Variants in WWOX observed in about 807,000 individuals in gnomAD.
WWOX encodes WW domain-containing oxidoreductase.
WWOX carries 69 observed loss-of-function variants against 46.2 expected under a neutral mutation model. That is an observed-to-expected ratio of 1.49 (90% confidence interval 1.23 to 1.82). WWOX has a LOEUF of 1.82. WWOX is among the 40% of genes most tolerant of loss of function. WWOX has a pLI of 0.00. For synonymous variants in WWOX, 359 were observed against 202.6 expected (o/e 1.77, Z -6.56); for missense variants, 919 against 542.6 (o/e 1.69, Z -6.89).
At chr16:78,149,267 A>T (rs1184405305) in intron 4 of WWOX, among the ~76,000 whole-genome samples, 1 of 152,206 alleles carries the variant, frequency 6.6e-6, no homozygotes, top group Non-Finnish European at 1.5e-5. Context: ...TGGTGTAAAG[A>T]TCATTTTTTA....
chr16:78,477,586 C>T (rs2084381658), intron 8 of WWOX, among the ~76,000 whole-genome samples: 1 of 151,712 alleles, frequency 6.6e-6, no homozygotes, highest in Non-Finnish European at 1.5e-5. Context: ...AACTAATTTC[C>T]AGGGGAGAAT....
intron 5 of WWOX, among the ~76,000 whole-genome samples, chr16:78,338,501 T>G (rs1451436891): frequency 1.6e-5 from 2 of 121,762 alleles, no homozygotes; most frequent in Non-Finnish European, 3.9e-5. Flanking sequence ...TAAGGGCACA[T>G]AAAATATTCT....
intron 5 of WWOX, among the ~76,000 whole-genome samples, chr16:78,373,917 A>G (rs575292245): frequency 2.0e-5 from 3 of 151,330 alleles, no homozygotes; most frequent in African/African-American, 4.8e-5. Flanking sequence ...CCTCCCAAGT[A>G]GCTGCATTAA....
chr16:78,907,227 C>T (rs1435856731), intron 8 of WWOX, among the ~76,000 whole-genome samples: 1 of 152,052 alleles, frequency 6.6e-6, no homozygotes, highest in Admixed American at 6.5e-5. Flanking sequence ...GAATCCGCTT[C>T]TGGGTGGGGG....
At chr16:78,360,956 G>A (rs2081397664) in intron 5 of WWOX, among the ~76,000 whole-genome samples, 1 of 151,984 alleles carries the variant, frequency 6.6e-6, no homozygotes, top group African/African-American at 2.4e-5. Flanking sequence ...GAGTATCTGG[G>A]ACTATACGCA....
intron 8 of WWOX, among the ~76,000 whole-genome samples, chr16:78,495,015 C>T (rs906500982): frequency 3.3e-5 from 5 of 152,134 alleles, no homozygotes; most frequent in Admixed American, 6.5e-5. Context: ...TCAAGCCCCT[C>T]GGACATGACG....
At chr16:78,178,575 T>C (rs2035425161) in intron 5 of WWOX, among the ~76,000 whole-genome samples, 1 of 152,084 alleles carries the variant, frequency 6.6e-6, no homozygotes, top group African/African-American at 2.4e-5. Flanking sequence ...CATTTAAAAA[T>C]AGATAGCAGG....
At chr16:78,385,137 A>ACG (rs1555530201) in intron 5 of WWOX, among the ~76,000 whole-genome samples, 1 of 150,610 alleles carries the variant, frequency 6.6e-6, no homozygotes, top group African/African-American at 2.5e-5. Flanking sequence ...CCATCTAAAC[A>ACG]CACACACACA....
chr16:78,546,450 C>G (rs951524044), intron 8 of WWOX, among the ~76,000 whole-genome samples: 10 of 152,304 alleles, frequency 6.6e-5, no homozygotes, highest in Non-Finnish European at 1.3e-4. Context: ...CAAAAGAATA[C>G]TGGACCCAGA....
intron 8 of WWOX, among the ~76,000 whole-genome samples, chr16:78,900,295 T>G (rs1391728704): frequency 2.0e-5 from 3 of 152,150 alleles, no homozygotes; most frequent in African/African-American, 7.2e-5. Context: ...GCCTGGTTTC[T>G]CCATACACTG....
intron 8 of WWOX, among the ~76,000 whole-genome samples, chr16:78,435,495 C>G (rs115506681): frequency 6.6e-6 from 1 of 152,130 alleles, no homozygotes; most frequent in African/African-American, 2.4e-5. Context: ...AGCTTTAGAT[C>G]CCTGAGTGAG....
chr16:79,103,075 C>T (rs563777612), intron 8 of WWOX, among the ~76,000 whole-genome samples: 34 of 151,846 alleles, frequency 2.2e-4, no homozygotes, highest in Non-Finnish European at 3.8e-4. Context: ...TCACCATAAC[C>T]CTCTGGCAAA....
intron 5 of WWOX, among the ~76,000 whole-genome samples, chr16:78,377,341 G>A (rs1422289677): frequency 6.6e-6 from 1 of 152,152 alleles, no homozygotes; most frequent in Non-Finnish European, 1.5e-5. Flanking sequence ...TTTATCATAT[G>A]AATTTACCTT....
chr16:78,183,434 G>T (rs1354977927), intron 5 of WWOX, among the ~76,000 whole-genome samples: 2 of 152,206 alleles, frequency 1.3e-5, no homozygotes, highest in Non-Finnish European at 2.9e-5. Context: ...CTAGTTAGTG[G>T]TTGAGAACAT....
At chr16:78,398,681 G>C (rs1211902674) in intron 6 of WWOX, among the ~76,000 whole-genome samples, 3 of 152,172 alleles carry the variant, frequency 2.0e-5, no homozygotes, top group Admixed American at 1.3e-4. Context: ...CTTGGTCTTA[G>C]CTTGTAATAT....
chr16:78,609,428 C>T (rs905343667), intron 8 of WWOX, among the ~76,000 whole-genome samples: 97 of 150,178 alleles, frequency 6.5e-4, no homozygotes, highest in African/African-American at 2.3e-3. Flanking sequence ...GCTTTTAAAG[C>T]GATAGTCCTA....
chr16:79,028,375 CCAGA>C (rs1188932960), intron 8 of WWOX, among the ~76,000 whole-genome samples: 2 of 151,842 alleles, frequency 1.3e-5, no homozygotes, highest in African/African-American at 4.9e-5. Flanking sequence ...TAAATTCAGT[CCAGA>C]CATTCTACCT....
At chr16:79,049,995 C>T (rs937366081) in intron 8 of WWOX, among the ~76,000 whole-genome samples, 5 of 151,978 alleles carry the variant, frequency 3.3e-5, no homozygotes, top group Non-Finnish European at 5.9e-5. Context: ...GAGGGAAGGC[C>T]AGTGTGATTG....
At chr16:78,887,484 C>A (rs1246416130) in intron 8 of WWOX, among the ~76,000 whole-genome samples, 6 of 140,072 alleles carry the variant, frequency 4.3e-5, no homozygotes, top group Non-Finnish European at 6.3e-5. Context: ...CACACACACA[C>A]ACACACACAC....
Sources: gnomAD v4.1 joint callset for allele counts (sites outside exome capture counted in the v4.1 genomes callset) on GRCh38, gnomAD v4.1.1 for gene constraint, MANE v1.5 for transcripts, NCBI Gene and HGNC (gene_info 2026-07-23, HGNC 2026-07-21) for gene names.